PTPRN2: variants seen among roughly 807,000 people sequenced by gnomAD.
The protein encoded by PTPRN2 is receptor-type tyrosine-protein phosphatase N2.
In PTPRN2, 74 loss-of-function variants were observed where a neutral mutation model predicts 118.8. The ratio of observed to expected loss-of-function variants is 0.62; its 90% CI spans 0.52 to 0.76. PTPRN2 has a LOEUF of 0.76. Among genes scored for constraint, PTPRN2 ranks in the 30% least tolerant of loss-of-function variants. The pLI is 0.00. For missense variants in PTPRN2, 1,481 were observed against 1,394.4 expected, an observed-to-expected ratio of 1.06 and a Z score of -0.99; for synonymous variants, 641 against 608.0, an observed-to-expected ratio of 1.05 and a Z score of -0.80.
chr7:158,309,506 T>C (rs1279556666), intron 3 of PTPRN2, among the ~76,000 whole-genome samples: 3 of 152,196 alleles, frequency 2.0e-5, no homozygotes, highest in Non-Finnish European at 2.9e-5. Flanking sequence ...CTCCCCTTTA[T>C]ATACACATCT....
intron 12 of PTPRN2, among the ~76,000 whole-genome samples, chr7:157,819,378 C>T (rs967871359): frequency 3.3e-5 from 5 of 152,178 alleles, no homozygotes; most frequent in Admixed American, 2.0e-4. Context: ...GAGTCTGAGC[C>T]CATCCGTCAG....
chr7:157,681,114 A>G (rs1391498527), intron 13 of PTPRN2, among the ~76,000 whole-genome samples: 3 of 151,906 alleles, frequency 2.0e-5, no homozygotes, highest in Non-Finnish European at 2.9e-5. Context: ...TTTTTTTCAA[A>G]TTAGTCATTT....
intron 19 of PTPRN2, 61 bp from the exon 20 acceptor site, chr7:157,571,554 C>T: frequency 7.6e-7 from 1 of 1,307,824 alleles, no homozygotes; most frequent in South Asian, 1.3e-5. Flanking sequence ...TTATCCAAAA[C>T]AACTATTAAA....
At chr7:157,571,032 G>A (rs1563222201) in intron 20 of PTPRN2, among the ~76,000 whole-genome samples, 1 of 151,946 alleles carries the variant, frequency 6.6e-6, no homozygotes, top group Non-Finnish European at 1.5e-5. Flanking sequence ...ATCATTTGAG[G>A]TCAGGAGTTC....
chr7:158,176,902 G>A (rs993078522), intron 5 of PTPRN2, among the ~76,000 whole-genome samples: 1 of 152,246 alleles, frequency 6.6e-6, no homozygotes, highest in African/African-American at 2.4e-5. Flanking sequence ...TGCTCCTCCA[G>A]GTGGCATGGC....
At chr7:158,144,987 C>A (rs1186373448) in intron 6 of PTPRN2, among the ~76,000 whole-genome samples, 1 of 143,830 alleles carries the variant, frequency 7.0e-6, no homozygotes, top group East Asian at 1.9e-4. Flanking sequence ...TTCCAGAATA[C>A]CACGGCTCGG....
intron 2 of PTPRN2, among the ~76,000 whole-genome samples, chr7:158,327,153 GCA>G (rs1563143121): frequency 6.1e-5 from 8 of 131,220 alleles, no homozygotes; most frequent in East Asian, 2.5e-4. Context: ...CCACACACGT[GCA>G]CACATTCTCA....
intron 12 of PTPRN2, among the ~76,000 whole-genome samples, chr7:157,774,428 C>T (rs1042628430): frequency 5.9e-5 from 9 of 152,290 alleles, no homozygotes; most frequent in African/African-American, 9.6e-5. Flanking sequence ...GGTGGGCCTG[C>T]GAGGGTTTAG....
intron 11 of PTPRN2, among the ~76,000 whole-genome samples, chr7:157,937,631 G>A (rs1407305599): frequency 6.6e-6 from 1 of 152,362 alleles, no homozygotes; most frequent in Non-Finnish European, 1.5e-5. Context: ...GCTCTTCAGT[G>A]CAAAGGTTCT....
chr7:157,811,783 G>A (rs1255877035), intron 12 of PTPRN2, among the ~76,000 whole-genome samples: 1 of 152,070 alleles, frequency 6.6e-6, no homozygotes, highest in Non-Finnish European at 1.5e-5. Context: ...CCAAACAGCG[G>A]GTCCAATTCT....
chr7:157,902,858 G>A (rs9918537), intron 11 of PTPRN2, among the ~76,000 whole-genome samples: 12,460 of 152,174 alleles, frequency 0.082, 1,634 homozygotes, highest in African/African-American at 0.27. Context: ...TGGCTTCCAA[G>A]TCAGTGAAAC....
chr7:157,904,375 G>A (rs1451709878), intron 11 of PTPRN2, among the ~76,000 whole-genome samples: 2 of 152,204 alleles, frequency 1.3e-5, no homozygotes, highest in African/African-American at 2.4e-5. Context: ...CGGTGTCACT[G>A]CTCCCCTCCC....
intron 2 of PTPRN2, among the ~76,000 whole-genome samples, chr7:158,485,264 G>A (rs953323415): frequency 6.6e-6 from 1 of 152,072 alleles, no homozygotes; most frequent in Non-Finnish European, 1.5e-5. Flanking sequence ...TTGCCCTCCT[G>A]GACGTCCGGG....
At chr7:157,579,162 C>T (rs1041537440) in intron 17 of PTPRN2, among the ~76,000 whole-genome samples, 4 of 152,140 alleles carry the variant, frequency 2.6e-5, no homozygotes, top group African/African-American at 4.8e-5. Flanking sequence ...GACACAAACA[C>T]GACATTTTCC....
At chr7:157,726,282 A>C (rs941077288) in intron 12 of PTPRN2, among the ~76,000 whole-genome samples, 26 of 141,218 alleles carry the variant, frequency 1.8e-4, no homozygotes, top group Non-Finnish European at 3.3e-4. Flanking sequence ...CCACATGCAG[A>C]GGAATGAGCC....
At chr7:158,584,684 A>G (rs1828822336) in intron 1 of PTPRN2, among the ~76,000 whole-genome samples, 1 of 152,234 alleles carries the variant, frequency 6.6e-6, no homozygotes, top group Admixed American at 6.5e-5. Context: ...GGAAGCAGTG[A>G]GACTTCCACT....
At chr7:158,392,320 A>G (rs557050282) in intron 2 of PTPRN2, among the ~76,000 whole-genome samples, 1 of 152,328 alleles carries the variant, frequency 6.6e-6, no homozygotes, top group African/African-American at 2.4e-5. Context: ...GGCACTGTGG[A>G]TGTTCCACAA....
chr7:157,899,187 G>C (rs1797300970), intron 11 of PTPRN2, among the ~76,000 whole-genome samples: 1 of 152,234 alleles, frequency 6.6e-6, no homozygotes, highest in East Asian at 1.9e-4. Flanking sequence ...TCTGCCATCA[G>C]CACCGCCAGC....
intron 13 of PTPRN2, among the ~76,000 whole-genome samples, chr7:157,657,082 ACACACACATACGCCACACACACACAC>A (rs1795533785): frequency 1.7e-5 from 2 of 120,440 alleles, no homozygotes; most frequent in Non-Finnish European, 3.5e-5. Flanking sequence ...TCACACATAT[ACACACACATACGCCACACACACACAC>A]CACACACATC....
Sources: gnomAD v4.1 joint callset for allele counts (sites outside exome capture counted in the v4.1 genomes callset) on GRCh38, gnomAD v4.1.1 for gene constraint, MANE v1.5 for transcripts, NCBI Gene and HGNC (gene_info 2026-07-23, HGNC 2026-07-21) for gene names.